Variants in HDX observed in about 807,000 individuals in gnomAD.
HDX encodes the protein chromosome X open reading frame 43.
In HDX, 19 loss-of-function variants were observed where a neutral mutation model predicts 45.2. The ratio of observed to expected loss-of-function variants is 0.42; its 90% confidence interval spans 0.29 to 0.62. The LOEUF (loss-of-function observed/expected upper bound fraction) is 0.62, where lower values mean the gene tolerates loss of function less well. Among genes scored for constraint, HDX ranks in the 20% least tolerant of loss-of-function variants. The pLI, the probability that HDX is intolerant of heterozygous loss-of-function variation, is 0.20. For missense variants in HDX, 532 were observed against 493.9 expected (o/e 1.08, Z -0.73); for synonymous variants, 188 against 172.8 (o/e 1.09, Z -0.69).
chrX:84,372,104 A>G (rs374155012), intron 5 of HDX, among the ~76,000 whole-genome samples: 36 of 112,051 alleles, frequency 3.2e-4, no homozygotes, highest in African/African-American at 8.7e-4. Context: ...ATAAGACAGA[A>G]CAGCAGCTGT....
At chrX:84,417,169 A>T (rs1442436941) in intron 5 of HDX, among the ~76,000 whole-genome samples, 1 of 106,245 alleles carries the variant, frequency 9.4e-6, no homozygotes, top group Non-Finnish European at 1.9e-5. Flanking sequence ...AAAGAAAGAA[A>T]GAATGAAAGA....
At chrX:84,495,708 C>T (rs1263925751) in intron 1 of HDX, among the ~76,000 whole-genome samples, 2 of 111,426 alleles carry the variant, frequency 1.8e-5, no homozygotes, top group African/African-American at 6.5e-5. Context: ...ATATCTCAAA[C>T]AGAGATCCAA....
chrX:84,407,107 T>C (rs2038848173), intron 5 of HDX, among the ~76,000 whole-genome samples: 2 of 111,373 alleles, frequency 1.8e-5, no homozygotes, highest in African/African-American at 6.5e-5. Flanking sequence ...GTTTGTTATA[T>C]AGAGAAATTG....
chrX:84,327,766 T>A (rs1053138228), intron 9 of HDX, among the ~76,000 whole-genome samples: 9 of 111,309 alleles, frequency 8.1e-5, no homozygotes, highest in African/African-American at 2.9e-4. Context: ...ACAAAAATTA[T>A]GGAACTTTAA....
chrX:84,500,460 A>G (rs974683576), intron 1 of HDX, among the ~76,000 whole-genome samples: 6 of 98,775 alleles, frequency 6.1e-5, no homozygotes, highest in Admixed American at 1.1e-4. Flanking sequence ...ACACACACAC[A>G]CACACACACA....
intron 6 of HDX, among the ~76,000 whole-genome samples, chrX:84,345,875 C>G (rs2147804320): frequency 9.0e-6 from 1 of 111,023 alleles, no homozygotes; most frequent in African/African-American, 3.3e-5. Flanking sequence ...TTAATGTTGG[C>G]CATCTTTCCA....
intron 4 of HDX, among the ~76,000 whole-genome samples, chrX:84,451,717 C>CAA (rs201512328): frequency 9.6e-6 from 1 of 104,406 alleles, no homozygotes; most frequent in South Asian, 4.1e-4. Context: ...GACAAGGATG[C>CAA]AAAAAAAAAC....
intron 5 of HDX, among the ~76,000 whole-genome samples, chrX:84,390,935 G>T (rs1415619513): frequency 1.8e-5 from 2 of 111,710 alleles, no homozygotes; most frequent in Non-Finnish European, 3.8e-5. Flanking sequence ...CCAGCATCTG[G>T]AGTATTTATC....
chrX:84,366,972 T>G (rs977779525), intron 5 of HDX, among the ~76,000 whole-genome samples: 1 of 111,490 alleles, frequency 9.0e-6, no homozygotes, highest in Non-Finnish European at 1.9e-5. Flanking sequence ...CCAAAAGCAA[T>G]GGAAACAAAA....
chrX:84,328,363 C>T (rs1174611409), intron 9 of HDX, among the ~76,000 whole-genome samples: 1 of 110,309 alleles, frequency 9.1e-6, no homozygotes, highest in Non-Finnish European at 1.9e-5. Flanking sequence ...CAGTGAGACC[C>T]TATGTCAACA....
chrX:84,358,078 T>C (rs7053883), intron 6 of HDX, among the ~76,000 whole-genome samples: 365 of 112,266 alleles, frequency 3.3e-3, no homozygotes, highest in African/African-American at 0.012. Context: ...ATGCTAGCTG[T>C]AAATTGCATA....
At chrX:84,482,717 A>G (rs2040714390) in intron 2 of HDX, among the ~76,000 whole-genome samples, 1 of 111,004 alleles carries the variant, frequency 9.0e-6, no homozygotes, top group Non-Finnish European at 1.9e-5. Context: ...ATGTCCTCAC[A>G]TTTCAAAACA....
intron 5 of HDX, among the ~76,000 whole-genome samples, chrX:84,404,994 CATT>C (rs2038786508): frequency 9.0e-6 from 1 of 110,779 alleles, no homozygotes; most frequent in Non-Finnish European, 1.9e-5. Context: ...TAAGAATATT[CATT>C]GAGTTGAAAT....
At chrX:84,375,728 A>C (rs887996930) in intron 5 of HDX, among the ~76,000 whole-genome samples, 1 of 98,137 alleles carries the variant, frequency 1.0e-5, no homozygotes, top group Admixed American at 1.1e-4. Context: ...GGAACATCAA[A>C]CTCTGGGGAC....
rs141952519 is a variant in HDX at position 84,450,535 on chromosome X, A to T, written c.1252-9950T>A. Among the ~76,000 whole-genome samples, 309 of 111,988 alleles carry T rather than the reference A, an allele frequency of 2.8e-3. 1 individual carries two copies. The highest frequency in any genetic ancestry group is 9.7e-3 in the African/African-American group (301 of 30,896). On this transcript the variant is annotated intron_variant, in intron 4 of 10. Coordinates refer to ENST00000373177, the MANE Select transcript of HDX (RefSeq NM_001177479.2). ...ATGCCCCCAACACCAGTGCACCAAG[A>T]TATACAATGCAAATATTATTAGATT...
intron 5 of HDX, among the ~76,000 whole-genome samples, chrX:84,438,719 T>A (rs113280287): frequency 0.056 from 6,259 of 111,407 alleles, 422 homozygotes; most frequent in African/African-American, 0.19. Context: ...GCAAAGGACA[T>A]GATTTTATTC....
At chrX:84,410,805 T>A (rs1169325916) in intron 5 of HDX, among the ~76,000 whole-genome samples, 7 of 111,772 alleles carry the variant, frequency 6.3e-5, no homozygotes, top group African/African-American at 2.3e-4. Context: ...CTGGGCATTT[T>A]CTTATAGGTA....
intron 1 of HDX, among the ~76,000 whole-genome samples, chrX:84,490,830 A>AT (rs1349715330): frequency 9.1e-6 from 1 of 109,868 alleles, no homozygotes; most frequent in Non-Finnish European, 1.9e-5. Flanking sequence ...AAGTTAACTT[A>AT]TTTTTTTCTT....
At chrX:84,380,475 A>G (rs1224699089) in intron 5 of HDX, among the ~76,000 whole-genome samples, 1 of 111,456 alleles carries the variant, frequency 9.0e-6, no homozygotes, top group African/African-American at 3.2e-5. Flanking sequence ...AACATCCTCA[A>G]CAAAACACTA....
Sources: allele counts gnomAD v4.1 joint callset (sites outside exome capture counted in the v4.1 genomes callset), GRCh38; gene constraint gnomAD v4.1.1; transcripts MANE v1.5; gene names NCBI Gene and HGNC (gene_info 2026-07-23, HGNC 2026-07-21).